ZNG1F: variants seen among roughly 807,000 people sequenced by gnomAD.
The protein encoded by ZNG1F is zinc-regulated GTPase metalloprotein activator 1F.
the ZNG1F span, among the ~76,000 whole-genome samples, chr9:41,144,627 G>C: frequency 6.7e-6 from 1 of 148,414 alleles, no homozygotes; most frequent in Non-Finnish European, 1.5e-5. Context: ...ACTTGAGAGA[G>C]AGGAAGGAAG....
the ZNG1F span, among the ~76,000 whole-genome samples, chr9:41,189,701 T>TA: frequency 0.15 from 3 of 20 alleles, no homozygotes; most frequent in East Asian, 0.5. Context: ...TTAGTCTCGT[T>TA]AAAAAAAAAA....
chr9:41,177,425 G>A, the ZNG1F span: 2 of 134,418 alleles, frequency 1.5e-5, no homozygotes, highest in African/African-American at 2.9e-5. Context: ...AAAAAAAAAA[G>A]TGCCTTCAAG....
the ZNG1F span, chr9:41,172,004 T>G: frequency 1.6e-5 from 2 of 124,544 alleles, no homozygotes; most frequent in South Asian, 7.9e-5. Flanking sequence ...TAAATGCATT[T>G]TATAAATTAA....
the ZNG1F span, among the ~76,000 whole-genome samples, chr9:41,169,976 G>A: frequency 9.8e-6 from 1 of 102,120 alleles, no homozygotes; most frequent in African/African-American, 4.2e-5. Flanking sequence ...ACCGAAAAAA[G>A]AGAAAGAAAG....
At chr9:41,183,783 C>T in the ZNG1F span, 3 of 1,536,084 alleles carry the variant, frequency 2.0e-6, no homozygotes, top group Non-Finnish European at 2.6e-6. Flanking sequence ...TATTTTATAA[C>T]TTATATTCTT....
At chr9:41,156,913 C>G in the ZNG1F span, 1 of 126,274 alleles carries the variant, frequency 7.9e-6, no homozygotes, top group African/African-American at 3.0e-5. Flanking sequence ...CTCTAGGACC[C>G]TGATCTTCAC....
the ZNG1F span, chr9:41,132,306 G>A: frequency 6.2e-7 from 1 of 1,604,612 alleles, no homozygotes; most frequent in African/African-American, 1.4e-5. Flanking sequence ...CAGAGCTCAT[G>A]GACACCCTGG....
At chr9:41,201,858 C>T in the ZNG1F span, among the ~76,000 whole-genome samples, 1 of 150,548 alleles carries the variant, frequency 6.6e-6, no homozygotes, top group Non-Finnish European at 1.5e-5. Context: ...AATTTCTGAT[C>T]AGAAAGGTGA....
chr9:41,150,339 C>T, the ZNG1F span, among the ~76,000 whole-genome samples: 1 of 150,406 alleles, frequency 6.6e-6, no homozygotes, highest in Non-Finnish European at 1.5e-5. Flanking sequence ...CGGAGTCTCG[C>T]GGATTGCTAG....
At chr9:41,156,025 TAAA>T in the ZNG1F span, among the ~76,000 whole-genome samples, 1 of 107,302 alleles carries the variant, frequency 9.3e-6, no homozygotes, top group Non-Finnish European at 1.9e-5. Flanking sequence ...AAATAAAAAA[TAAA>T]AAAATAAAGT....
At chr9:41,192,784 T>TC in the ZNG1F span, among the ~76,000 whole-genome samples, 34 of 86,272 alleles carry the variant, frequency 3.9e-4, no homozygotes, top group East Asian at 4.2e-3. Flanking sequence ...TTTTTTTTTT[T>TC]TAACTTATAA....
chr9:41,142,461 ATGTGTTTG>A, the ZNG1F span, among the ~76,000 whole-genome samples: 2 of 64,286 alleles, frequency 3.1e-5, no homozygotes, highest in African/African-American at 1.1e-4. Flanking sequence ...TTAGAAGGAT[ATGTGTTTG>A]AATGTGCATA....
chr9:41,139,588 C>T, the ZNG1F span, among the ~76,000 whole-genome samples: 310 of 144,732 alleles, frequency 2.1e-3, 4 homozygotes, highest in East Asian at 6.8e-3. Flanking sequence ...ATAGGAAAAG[C>T]GGAAAAGTGC....
chr9:41,183,124 G>T, the ZNG1F span, among the ~76,000 whole-genome samples: 1 of 127,170 alleles, frequency 7.9e-6, no homozygotes, highest in Non-Finnish European at 1.7e-5. Flanking sequence ...TATGTGTTGG[G>T]TAACTCTTCT....
chr9:41,203,305 T>C, the ZNG1F span, among the ~76,000 whole-genome samples: 1 of 151,916 alleles, frequency 6.6e-6, no homozygotes, highest in South Asian at 2.1e-4. Context: ...CAGTTGATCA[T>C]CCATTATTCT....
chr9:41,154,805 C>T, the ZNG1F span, among the ~76,000 whole-genome samples: 4 of 150,098 alleles, frequency 2.7e-5, no homozygotes, highest in East Asian at 2.0e-4. Context: ...AGCCATATGT[C>T]GAAAGCTGAA....
the ZNG1F span, among the ~76,000 whole-genome samples, chr9:41,152,347 T>G: frequency 2.7e-5 from 4 of 149,236 alleles, no homozygotes; most frequent in African/African-American, 9.9e-5. Flanking sequence ...CCCAGATTCA[T>G]AAAGCAAGTC....
At chr9:41,204,853 A>C in the ZNG1F span, among the ~76,000 whole-genome samples, 11 of 130,056 alleles carry the variant, frequency 8.5e-5, no homozygotes, top group Non-Finnish European at 1.8e-4. Context: ...TTCCTACTCA[A>C]CTTTTTATTT....
At chr9:41,155,073 C>T in the ZNG1F span, among the ~76,000 whole-genome samples, 9 of 150,754 alleles carry the variant, frequency 6.0e-5, no homozygotes, top group Non-Finnish European at 8.9e-5. Flanking sequence ...AGGCAACCTA[C>T]AAAATGGGAG....
Sources: allele counts gnomAD v4.1 joint callset (sites outside exome capture counted in the v4.1 genomes callset), GRCh38; gene constraint gnomAD v4.1.1; transcripts MANE v1.5; gene names NCBI Gene and HGNC (gene_info 2026-07-23, HGNC 2026-07-21).